Variants in MIPOL1 observed in about 807,000 individuals in gnomAD.
The protein encoded by MIPOL1 is mirror-image polydactyly 1.
A neutral mutation model predicts 60.9 loss-of-function variants in MIPOL1; 57 were observed. That is an observed-to-expected ratio of 0.94 (90% confidence interval 0.76 to 1.17). MIPOL1 has a LOEUF of 1.17. Among genes scored for constraint, MIPOL1 ranks in the 50% most tolerant of loss-of-function variants. The pLI is 0.00. For synonymous variants in MIPOL1, 179 were observed against 168.8 expected (o/e 1.06, Z -0.47); for missense variants, 551 against 511.6 (o/e 1.08, Z -0.74).
At chr14:37,391,386 C>T (rs1324165129) in intron 10 of MIPOL1, among the ~76,000 whole-genome samples, 2 of 141,860 alleles carry the variant, frequency 1.4e-5, no homozygotes, top group South Asian at 2.3e-4. Flanking sequence ...AAATATTGAT[C>T]TAATGAAGCC....
chr14:37,215,442 T>C (rs2139391780), intron 1 of MIPOL1, among the ~76,000 whole-genome samples: 1 of 152,162 alleles, frequency 6.6e-6, no homozygotes, highest in Middle Eastern at 3.4e-3. Context: ...CTGGGGCTGG[T>C]CGCTACAGCT....
At chr14:37,400,532 G>A (rs1217588685) in intron 10 of MIPOL1, 1 of 152,028 alleles carries the variant, frequency 6.6e-6, no homozygotes, top group African/African-American at 2.4e-5. Context: ...ACCATTCTGT[G>A]GAACCAATAT....
intron 1 of MIPOL1, among the ~76,000 whole-genome samples, chr14:37,237,603 T>TA (rs1971691669): frequency 6.6e-6 from 1 of 152,170 alleles, no homozygotes; most frequent in East Asian, 1.9e-4. Flanking sequence ...TTTGACTTTT[T>TA]AAAAAAAGTT....
chr14:37,313,548 TG>T (rs1006127122), intron 9 of MIPOL1, among the ~76,000 whole-genome samples: 1 of 152,042 alleles, frequency 6.6e-6, no homozygotes, highest in Non-Finnish European at 1.5e-5. Flanking sequence ...GGTATGAGAA[TG>T]GGGGTAACTG....
At chr14:37,346,920 T>G (rs543124726) in intron 9 of MIPOL1, among the ~76,000 whole-genome samples, 12 of 152,214 alleles carry the variant, frequency 7.9e-5, no homozygotes, top group Non-Finnish European at 1.3e-4. Context: ...TCCTGAGAAA[T>G]TAAAGAGCCA....
intron 10 of MIPOL1, among the ~76,000 whole-genome samples, chr14:37,379,479 T>C (rs1360608793): frequency 6.6e-6 from 1 of 151,986 alleles, no homozygotes; most frequent in Non-Finnish European, 1.5e-5. Flanking sequence ...CTAATAAAAA[T>C]ATAAAACTTC....
intron 12 of MIPOL1, chr14:37,546,191 G>T (rs2095546792): frequency 6.6e-6 from 1 of 152,054 alleles, no homozygotes; most frequent in African/African-American, 2.4e-5. Flanking sequence ...CAATTTAATT[G>T]ACTAGTTTTT....
chr14:37,224,876 A>G (rs1184268342), intron 1 of MIPOL1, among the ~76,000 whole-genome samples: 1 of 152,238 alleles, frequency 6.6e-6, no homozygotes, highest in Non-Finnish European at 1.5e-5. Flanking sequence ...TAAAATCGAA[A>G]GCAAATTAGT....
intron 12 of MIPOL1, among the ~76,000 whole-genome samples, chr14:37,527,977 A>AG (rs1470543087): frequency 6.6e-6 from 1 of 152,074 alleles, no homozygotes; most frequent in Non-Finnish European, 1.5e-5. Flanking sequence ...TGAAAAAAAA[A>AG]GATTGCATTT....
rs191680356 is a variant in MIPOL1 at position 37,266,814 on chromosome 14, G to T, written c.20-124G>T. 5.7e-6 allele frequency: 4 copies of T among 696,800 alleles called. No individual in the cohort carries two copies. In the East Asian group the frequency reaches 1.1e-4, roughly 19 times the overall value. The allele number at this position is 696,800 out of a possible 1,614,324, so 43.2% of individuals were successfully genotyped here. On this transcript the variant is annotated intron_variant, in intron 3 of 12. Coordinates refer to ENST00000684589, the MANE Select transcript of MIPOL1 (RefSeq NM_001388067.1). The stretch of plus-strand genomic sequence containing the variant: ...CAATGCTTATCTGATTACAGTAGGA[G>T]TAAGACTAGAAACTATATGTTTAAA...
At chr14:37,216,778 C>T (rs776374776) in intron 1 of MIPOL1, among the ~76,000 whole-genome samples, 1 of 151,856 alleles carries the variant, frequency 6.6e-6, no homozygotes, top group Non-Finnish European at 1.5e-5. Flanking sequence ...TGGGATACAG[C>T]CAAAGCAGTA....
chr14:37,223,065 CT>C (rs1271074543), intron 1 of MIPOL1, among the ~76,000 whole-genome samples: 1 of 152,100 alleles, frequency 6.6e-6, no homozygotes, highest in African/African-American at 2.4e-5. Context: ...CAGAGTCTCG[CT>C]CTGTTGCCCA....
chr14:37,454,563 T>A (rs1594428826), intron 11 of MIPOL1, among the ~76,000 whole-genome samples: 1 of 152,284 alleles, frequency 6.6e-6, no homozygotes, highest in East Asian at 1.9e-4. Context: ...ACAGCCCAAG[T>A]TTTTACTACA....
chr14:37,369,396 T>A, intron 9 of MIPOL1, 121 bp from the exon 10 acceptor site: 1 of 387,700 alleles, frequency 2.6e-6, no homozygotes, highest in Non-Finnish European at 4.2e-6. Flanking sequence ...ACCATTCTTG[T>A]TGCAAAAAAA....
intron 6 of MIPOL1, among the ~76,000 whole-genome samples, chr14:37,279,875 T>A (rs1377676459): frequency 2.0e-5 from 3 of 152,194 alleles, no homozygotes; most frequent in Non-Finnish European, 2.9e-5. Context: ...GTGTAATAGA[T>A]CACCAGAACC....
chr14:37,546,814 C>A, intron 12 of MIPOL1, 91 bp from the exon 13 acceptor site: 1 of 1,003,362 alleles, frequency 1.0e-6, no homozygotes, highest in Non-Finnish European at 1.5e-6. Context: ...TGCTTGGTCA[C>A]AGGCAAATAC....
At chr14:37,528,909 A>G (rs1264263423) in intron 12 of MIPOL1, among the ~76,000 whole-genome samples, 1 of 152,192 alleles carries the variant, frequency 6.6e-6, no homozygotes, top group Non-Finnish European at 1.5e-5. Flanking sequence ...TTCCTTGAGA[A>G]TAGTCAGTCA....
At chr14:37,472,324 G>A (rs2094699944) in intron 11 of MIPOL1, among the ~76,000 whole-genome samples, 1 of 152,104 alleles carries the variant, frequency 6.6e-6, no homozygotes, top group African/African-American at 2.4e-5. Flanking sequence ...TATTAGGCTG[G>A]TGCAAAAGTA....
intron 9 of MIPOL1, among the ~76,000 whole-genome samples, chr14:37,310,540 C>T (rs919785907): frequency 6.6e-6 from 1 of 152,160 alleles, no homozygotes; most frequent in Non-Finnish European, 1.5e-5. Flanking sequence ...TAAAGACAAT[C>T]TCTCTATTTC....
Sources: allele counts gnomAD v4.1 joint callset (sites outside exome capture counted in the v4.1 genomes callset), GRCh38; gene constraint gnomAD v4.1.1; transcripts MANE v1.5; gene names NCBI Gene and HGNC (gene_info 2026-07-23, HGNC 2026-07-21).